Variants in CSMD1 observed in about 807,000 individuals in gnomAD.
CSMD1 encodes CUB and sushi domain-containing protein 1.
In CSMD1, 213 loss-of-function variants were observed where a neutral mutation model predicts 417.5. That is an observed-to-expected ratio of 0.51 (90% CI 0.46 to 0.57). The LOEUF is 0.57. CSMD1 is among the 20% of genes least tolerant of loss of function. CSMD1 has a pLI of 0.00. For missense variants in CSMD1, 6,923 were observed against 4,529.7 expected (o/e 1.53, Z -15.17); for synonymous variants, 2,862 against 1,736.8 (o/e 1.65, Z -16.11).
chr8:3,843,777 C>T (rs1053548262), intron 5 of CSMD1, among the ~76,000 whole-genome samples: 4 of 152,150 alleles, frequency 2.6e-5, no homozygotes, highest in Non-Finnish European at 5.9e-5. Context: ...TCAGATCCAC[C>T]ATCTGCAAAA....
At chr8:3,049,775 T>A (rs1811695676) in intron 50 of CSMD1, among the ~76,000 whole-genome samples, 1 of 152,068 alleles carries the variant, frequency 6.6e-6, no homozygotes, top group Non-Finnish European at 1.5e-5. Flanking sequence ...CTCTGGGTGA[T>A]GATGGTATGT....
At chr8:4,094,626 C>G (rs1184833735) in intron 3 of CSMD1, among the ~76,000 whole-genome samples, 1 of 151,656 alleles carries the variant, frequency 6.6e-6, no homozygotes, top group Non-Finnish European at 1.5e-5. Context: ...GCGTGTGTCA[C>G]ACATGTGGGG....
intron 5 of CSMD1, among the ~76,000 whole-genome samples, chr8:3,954,685 C>G (rs1464129113): frequency 1.3e-5 from 2 of 152,218 alleles, no homozygotes; most frequent in Non-Finnish European, 2.9e-5. Context: ...TGTATAGACT[C>G]CCCTCTTTCC....
intron 7 of CSMD1, among the ~76,000 whole-genome samples, chr8:3,681,466 G>T (rs542130525): frequency 6.6e-6 from 1 of 152,042 alleles, no homozygotes; most frequent in Admixed American, 6.6e-5. Flanking sequence ...AAAATACCTA[G>T]GAATCCAGCT....
intron 1 of CSMD1, among the ~76,000 whole-genome samples, chr8:4,837,866 C>T (rs1800594964): frequency 6.6e-6 from 1 of 151,840 alleles, no homozygotes; most frequent in Non-Finnish European, 1.5e-5. Flanking sequence ...TCATGTACCC[C>T]ATAAATATAT....
intron 12 of CSMD1, among the ~76,000 whole-genome samples, chr8:3,417,632 G>A (rs1462648185): frequency 6.6e-6 from 1 of 151,962 alleles, no homozygotes; most frequent in Non-Finnish European, 1.5e-5. Context: ...CCAGAAATCA[G>A]TACATGCTTC....
intron 49 of CSMD1, among the ~76,000 whole-genome samples, chr8:3,081,368 T>C (rs1814084161): frequency 6.6e-6 from 1 of 152,228 alleles, no homozygotes; most frequent in South Asian, 2.1e-4. Context: ...AAAAATAGAA[T>C]GTCAACTCAA....
At chr8:4,085,741 A>G (rs1161061205) in intron 3 of CSMD1, among the ~76,000 whole-genome samples, 41 of 152,204 alleles carry the variant, frequency 2.7e-4, no homozygotes, top group Admixed American at 2.4e-3. Context: ...AATAGTAAAA[A>G]TGGAGGGAAG....
At chr8:3,557,889 A>G (rs908836984) in intron 10 of CSMD1, among the ~76,000 whole-genome samples, 1 of 152,326 alleles carries the variant, frequency 6.6e-6, no homozygotes, top group East Asian at 1.9e-4. Flanking sequence ...CATTTGGATC[A>G]GATAATAAGT....
chr8:3,569,951 T>C (rs1799877665), intron 10 of CSMD1, among the ~76,000 whole-genome samples: 1 of 152,048 alleles, frequency 6.6e-6, no homozygotes, highest in Non-Finnish European at 1.5e-5. Context: ...ACAAAATAAC[T>C]GAAATTTAAT....
chr8:4,489,307 G>C lies in CSMD1; in HGVS notation c.303-69242C>G, dbSNP rs540288672. The stretch of plus-strand genomic sequence containing the variant: ...GAAAGTTCTGGGAAAATGTCTCAAA[G>C]ATTCAATGCATAAGGAAAAACTTAT... On this transcript the variant is annotated intron_variant, in intron 2 of 69. Coordinates refer to ENST00000635120, the MANE Select transcript of CSMD1 (RefSeq NM_033225.6). Among the ~76,000 whole-genome samples, 20 of 152,296 alleles carry C rather than the reference G, an allele frequency of 1.3e-4. No individual in the cohort carries two copies. In the South Asian group the frequency reaches 3.7e-3, roughly 28 times the overall value.
At chr8:4,795,624 T>A (rs1250318303) in intron 1 of CSMD1, among the ~76,000 whole-genome samples, 4 of 152,082 alleles carry the variant, frequency 2.6e-5, no homozygotes, top group Admixed American at 6.6e-5. Flanking sequence ...CAACACACAC[T>A]TGTTCCTCAG....
chr8:3,589,384 G>C (rs1800745702), intron 8 of CSMD1, among the ~76,000 whole-genome samples: 1 of 142,890 alleles, frequency 7.0e-6, no homozygotes, highest in Non-Finnish European at 1.5e-5. Flanking sequence ...AATGTGGTGT[G>C]TGTGTGTGTG....
intron 41 of CSMD1, among the ~76,000 whole-genome samples, chr8:3,120,148 G>A (rs1473220429): frequency 6.6e-6 from 1 of 152,010 alleles, no homozygotes; most frequent in Non-Finnish European, 1.5e-5. Flanking sequence ...CTGTGTTCAG[G>A]ACCTGAGAAA....
At chr8:3,049,726 G>A (rs535835475) in intron 50 of CSMD1, among the ~76,000 whole-genome samples, 4 of 152,168 alleles carry the variant, frequency 2.6e-5, no homozygotes, top group South Asian at 2.1e-4. Context: ...GCCCACAGAT[G>A]GTGCAACACC....
chr8:3,582,883 T>C (rs927649256), intron 9 of CSMD1, among the ~76,000 whole-genome samples: 8 of 152,314 alleles, frequency 5.3e-5, no homozygotes, highest in African/African-American at 1.7e-4. Context: ...AATAAACACA[T>C]ACCTTTCCCA....
rs1225224008 is a variant in CSMD1 at position 3,935,401 on chromosome 8, G to A, written c.818+62502C>T. 9.9e-5 allele frequency among the ~76,000 whole-genome samples: 15 copies of A among 152,232 alleles called. No homozygotes were observed. In the East Asian group the frequency reaches 1.5e-3, roughly 16 times the overall value. On this transcript the variant is annotated intron_variant, in intron 5 of 69. Transcript: ENST00000635120. ...TAATCTCTTTGGACTTTGCTCTATT[G>A]CATTTTGCAAATAACTGGGTTTTTG...
intron 2 of CSMD1, among the ~76,000 whole-genome samples, chr8:4,484,155 G>T (rs1468157017): frequency 3.3e-5 from 5 of 150,318 alleles, no homozygotes; most frequent in Non-Finnish European, 5.9e-5. Flanking sequence ...TGTGGAGGCC[G>T]CTTCCCTTAT....
At chr8:3,933,490 T>G (rs1810290814) in intron 5 of CSMD1, among the ~76,000 whole-genome samples, 1 of 152,120 alleles carries the variant, frequency 6.6e-6, no homozygotes, top group African/African-American at 2.4e-5. Flanking sequence ...CTTTCAGCCA[T>G]GGTCTTCTTT....
Sources: allele counts gnomAD v4.1 joint callset (sites outside exome capture counted in the v4.1 genomes callset), GRCh38; gene constraint gnomAD v4.1.1; transcripts MANE v1.5; gene names NCBI Gene and HGNC (gene_info 2026-07-23, HGNC 2026-07-21).